Variants in ADARB2 observed in about 807,000 individuals in gnomAD.
ADARB2 encodes inactive double-stranded RNA-specific editase B2.
In ADARB2, 25 loss-of-function variants were observed where a neutral mutation model predicts 62.2. The ratio of observed to expected loss-of-function variants is 0.40; its 90% CI spans 0.29 to 0.56. ADARB2 has a LOEUF of 0.56. Among genes scored for constraint, ADARB2 ranks in the 20% least tolerant of loss-of-function variants. ADARB2 has a pLI of 0.43. For synonymous variants in ADARB2, 572 were observed against 500.8 expected, an observed-to-expected ratio of 1.14 and a Z score of -1.90; for missense variants, 1,071 against 1,077.4, an observed-to-expected ratio of 0.99 and a Z score of 0.08.
intron 1 of ADARB2, among the ~76,000 whole-genome samples, chr10:1,562,541 C>T (rs975363613): frequency 5.9e-5 from 9 of 152,204 alleles, no homozygotes; most frequent in Non-Finnish European, 1.2e-4. Context: ...TCAGTACATG[C>T]CAGTTACGAT....
intron 1 of ADARB2, among the ~76,000 whole-genome samples, chr10:1,382,855 G>A (rs1008368709): frequency 7.9e-5 from 12 of 152,118 alleles, no homozygotes; most frequent in Non-Finnish European, 1.5e-4. Flanking sequence ...CTCTAGAAAC[G>A]TCAGGGGTCG....
chr10:1,416,272 T>G (rs1381405258), intron 1 of ADARB2, among the ~76,000 whole-genome samples: 1 of 152,274 alleles, frequency 6.6e-6, no homozygotes, highest in Non-Finnish European at 1.5e-5. Flanking sequence ...AAATAGAAGA[T>G]ATTTTTGAAT....
At chr10:1,520,348 A>G (rs1408340334) in intron 1 of ADARB2, among the ~76,000 whole-genome samples, 1 of 152,246 alleles carries the variant, frequency 6.6e-6, no homozygotes, top group African/African-American at 2.4e-5. Flanking sequence ...GACACAAATC[A>G]AAATTGAAGA....
chr10:1,185,139 G>C lies in ADARB2; in HGVS notation c.1865-100C>G, dbSNP rs892275411. The stretch of plus-strand genomic sequence containing the variant: ...GGAAATGGAGCCTGTATGTGAGTGG[G>C]AATGGTCCTCCCTTTTCATCCTCAG... On this transcript the variant is annotated intron_variant, in intron 8 of 9. Transcript: ENST00000381312. The C allele has an allele frequency of 2.2e-6, 3 of 1,392,818 alleles. 1 individual carries two copies. The Admixed American group carries it at 6.8e-5, about 31-fold the overall frequency. 86.3% of individuals were successfully genotyped at this position (1,392,818 alleles called of 1,614,324 possible).
intron 3 of ADARB2, among the ~76,000 whole-genome samples, chr10:1,306,671 T>C (rs1831632726): frequency 8.3e-6 from 1 of 120,868 alleles, no homozygotes; most frequent in African/African-American, 2.6e-5. Flanking sequence ...ACTACAAAGC[T>C]ACAGTAACCA....
rs540399591 is a variant in ADARB2, at chr10:1,359,149, A to G, written c.1077+3879T>C. Among the ~76,000 whole-genome samples, 4 of 152,292 alleles carry G rather than the reference A, an allele frequency of 2.6e-5. No individual in the cohort carries two copies. The East Asian group carries it at 7.7e-4, about 29-fold the overall frequency. ...TGTTCTTACTTCTGAGTACCCAGTT[A>G]ACCTAGAGGAGTCTTGAGTGGACTG... On this transcript the variant is annotated intron_variant, in intron 3 of 9. Coordinates refer to ENST00000381312, the MANE Select transcript of ADARB2 (RefSeq NM_018702.4).
At chr10:1,540,910 T>C (rs373650558) in intron 1 of ADARB2, among the ~76,000 whole-genome samples, 12 of 43,676 alleles carry the variant, frequency 2.7e-4, no homozygotes, top group African/African-American at 4.7e-4. Flanking sequence ...CACTCAGATG[T>C]AGTTCAGACC....
chr10:1,668,181 C>T (rs1834337276), intron 1 of ADARB2, among the ~76,000 whole-genome samples: 1 of 152,214 alleles, frequency 6.6e-6, no homozygotes, highest in Admixed American at 6.5e-5. Context: ...GCCGCTGGTG[C>T]ATTTGGACTT....
At chr10:1,425,528 G>A (rs1255037385) in intron 1 of ADARB2, among the ~76,000 whole-genome samples, 1 of 152,144 alleles carries the variant, frequency 6.6e-6, no homozygotes, top group Non-Finnish European at 1.5e-5. Flanking sequence ...GGATTTGCTT[G>A]CATACTCCCA....
intron 1 of ADARB2, among the ~76,000 whole-genome samples, chr10:1,635,634 C>T (rs1833909783): frequency 6.6e-6 from 1 of 152,224 alleles, no homozygotes; most frequent in African/African-American, 2.4e-5. Context: ...GTTCAAAGCT[C>T]TCCCACTGTC....
intron 4 of ADARB2, among the ~76,000 whole-genome samples, chr10:1,259,705 G>A (rs1302913714): frequency 6.6e-6 from 1 of 152,130 alleles, no homozygotes; most frequent in Non-Finnish European, 1.5e-5. Flanking sequence ...ATTCACAGCC[G>A]AATTCTACCA....
chr10:1,614,101 G>T (rs538572870), intron 1 of ADARB2, among the ~76,000 whole-genome samples: 1 of 152,268 alleles, frequency 6.6e-6, no homozygotes, highest in Non-Finnish European at 1.5e-5. Flanking sequence ...CAGACAGCCT[G>T]AAAACCACCG....
chr10:1,399,754 G>A (rs893633474), intron 1 of ADARB2, among the ~76,000 whole-genome samples: 1 of 152,188 alleles, frequency 6.6e-6, no homozygotes, highest in Non-Finnish European at 1.5e-5. Flanking sequence ...GGGAACCACT[G>A]ACCAGGGAAG....
intron 2 of ADARB2, among the ~76,000 whole-genome samples, chr10:1,366,705 G>T (rs990538694): frequency 1.1e-4 from 16 of 152,202 alleles, no homozygotes; most frequent in African/African-American, 3.9e-4. Context: ...TTCCATCATT[G>T]TCTTGGCCTA....
At chr10:1,705,734 C>A (rs1168018173) in intron 1 of ADARB2, among the ~76,000 whole-genome samples, 1 of 152,204 alleles carries the variant, frequency 6.6e-6, no homozygotes, top group Non-Finnish European at 1.5e-5. Flanking sequence ...GCGTGTGAGG[C>A]CTCTCAATAT....
intron 1 of ADARB2, among the ~76,000 whole-genome samples, chr10:1,459,051 G>A (rs1831134024): frequency 6.6e-6 from 1 of 152,196 alleles, no homozygotes; most frequent in Non-Finnish European, 1.5e-5. Flanking sequence ...ACAGATGCTG[G>A]TGAGGTTGTG....
chr10:1,227,990 G>A (rs565873099), intron 6 of ADARB2, among the ~76,000 whole-genome samples: 1 of 152,260 alleles, frequency 6.6e-6, no homozygotes, highest in African/African-American at 2.4e-5. Flanking sequence ...TCATTATCCT[G>A]CAATGCACGG....
intron 1 of ADARB2, among the ~76,000 whole-genome samples, chr10:1,499,639 A>G (rs1351152405): frequency 6.6e-6 from 1 of 150,982 alleles, no homozygotes; most frequent in Non-Finnish European, 1.5e-5. Context: ...CCACTCATTC[A>G]TCACCCACCA....
chr10:1,314,897 T>A (rs575239930), intron 3 of ADARB2, among the ~76,000 whole-genome samples: 1 of 152,292 alleles, frequency 6.6e-6, no homozygotes, highest in East Asian at 1.9e-4. Context: ...GATATTTCAC[T>A]GTTGGTGCAA....
Sources: gnomAD v4.1 joint callset for allele counts (sites outside exome capture counted in the v4.1 genomes callset) on GRCh38, gnomAD v4.1.1 for gene constraint, MANE v1.5 for transcripts, NCBI Gene and HGNC (gene_info 2026-07-23, HGNC 2026-07-21) for gene names.